RBFOX1: variants seen among roughly 807,000 people sequenced by gnomAD.
The protein encoded by RBFOX1 is RNA binding fox-1 homolog 1.
A neutral mutation model predicts 57.7 loss-of-function variants in RBFOX1; 8 were observed. The ratio of observed to expected loss-of-function variants is 0.14; its 90% CI spans 0.08 to 0.25. RBFOX1 has a LOEUF of 0.25. RBFOX1 is among the 10% of genes least tolerant of loss of function. The pLI, the probability that RBFOX1 is intolerant of heterozygous loss-of-function variation, is 1.00. For synonymous variants in RBFOX1, 326 were observed against 222.4 expected (o/e 1.47, Z -4.15); for missense variants, 611 against 548.5 (o/e 1.11, Z -1.14).
chr16:7,632,369 G>T (rs752053575), intron 11 of RBFOX1, among the ~76,000 whole-genome samples: 1 of 152,194 alleles, frequency 6.6e-6, no homozygotes, highest in Non-Finnish European at 1.5e-5. Flanking sequence ...GTGTAAATGT[G>T]TGTGCATGTA....
chr16:6,725,478 C>T (rs1022963502), intron 3 of RBFOX1, among the ~76,000 whole-genome samples: 4 of 152,136 alleles, frequency 2.6e-5, no homozygotes, highest in Admixed American at 2.6e-4. Flanking sequence ...CCCAGTGGGT[C>T]TCAGCCTTAG....
intron 4 of RBFOX1, among the ~76,000 whole-genome samples, chr16:7,096,389 G>A (rs1414764996): frequency 2.6e-5 from 4 of 152,046 alleles, no homozygotes; most frequent in African/African-American, 2.4e-5. Context: ...ATTTTTCTCC[G>A]TGTCCCCCAG....
intron 2 of RBFOX1, among the ~76,000 whole-genome samples, chr16:6,588,772 G>A (rs1326871102): frequency 1.3e-5 from 2 of 152,168 alleles, no homozygotes; most frequent in African/African-American, 4.8e-5. Flanking sequence ...GGACTTACTT[G>A]ATTATTTCCC....
chr16:6,184,269 A>C (rs74916226), intron 1 of RBFOX1, among the ~76,000 whole-genome samples: 14,896 of 152,232 alleles, frequency 0.098, 924 homozygotes, highest in East Asian at 0.24. Flanking sequence ...AAACCATATC[A>C]GAGGATGTTG....
At chr16:5,653,692 G>A (rs962676853) in intron 3 of RBFOX1, among the ~76,000 whole-genome samples, 1 of 152,158 alleles carries the variant, frequency 6.6e-6, no homozygotes, top group African/African-American at 2.4e-5. Flanking sequence ...GCAGGTGCTG[G>A]CTCTGAGAGA....
chr16:6,389,880 T>G (rs923171911), intron 2 of RBFOX1, among the ~76,000 whole-genome samples: 27 of 152,196 alleles, frequency 1.8e-4, no homozygotes, highest in Non-Finnish European at 1.5e-5. Context: ...TGTACCTCTT[T>G]GAGCTACTTA....
intron 1 of RBFOX1, among the ~76,000 whole-genome samples, chr16:5,305,584 A>T (rs925752470): frequency 1.3e-5 from 2 of 152,124 alleles, no homozygotes; most frequent in African/African-American, 4.8e-5. Flanking sequence ...TCTTCTCCAT[A>T]TTTCTTGCCC....
intron 3 of RBFOX1, among the ~76,000 whole-genome samples, chr16:6,933,270 T>C (rs1401342439): frequency 1.3e-5 from 2 of 152,244 alleles, no homozygotes; most frequent in African/African-American, 4.8e-5. Context: ...GTGAAATTGA[T>C]GAATCATAGA....
chr16:7,339,731 T>A (rs564457111), intron 4 of RBFOX1, among the ~76,000 whole-genome samples: 1 of 152,220 alleles, frequency 6.6e-6, no homozygotes, highest in Non-Finnish European at 1.5e-5. Context: ...CAAGCCACTG[T>A]GCCTGGCCAG....
intron 3 of RBFOX1, among the ~76,000 whole-genome samples, chr16:6,764,391 C>G (rs1316474946): frequency 3.3e-5 from 5 of 152,174 alleles, no homozygotes; most frequent in African/African-American, 1.2e-4. Flanking sequence ...CAAGCAGTGT[C>G]TGGTAGCCCA....
At chr16:7,347,080 G>A (rs569922128) in intron 4 of RBFOX1, among the ~76,000 whole-genome samples, 3 of 152,204 alleles carry the variant, frequency 2.0e-5, no homozygotes, top group African/African-American at 7.2e-5. Context: ...GACATATTTT[G>A]CAGGCAAGTG....
chr16:6,525,937 A>T (rs964090190), intron 2 of RBFOX1, among the ~76,000 whole-genome samples: 1 of 152,142 alleles, frequency 6.6e-6, no homozygotes, highest in Non-Finnish European at 1.5e-5. Flanking sequence ...CAGAGAAAAA[A>T]AGCAAGGGAA....
intron 4 of RBFOX1, among the ~76,000 whole-genome samples, chr16:7,341,859 C>G (rs1250645610): frequency 6.7e-6 from 1 of 150,304 alleles, no homozygotes; most frequent in Non-Finnish European, 1.5e-5. Context: ...AGCAGGAGCT[C>G]CTGCCCCCGG....
intron 1 of RBFOX1, among the ~76,000 whole-genome samples, chr16:5,417,611 G>A (rs8045331): frequency 0.013 from 1,986 of 152,302 alleles, 52 homozygotes; most frequent in African/African-American, 0.045. Flanking sequence ...GACATGGGCT[G>A]GTATCAATGG....
chr16:6,760,021 G>GT (rs1270502131), intron 3 of RBFOX1, among the ~76,000 whole-genome samples: 1 of 152,184 alleles, frequency 6.6e-6, no homozygotes, highest in East Asian at 1.9e-4. Context: ...TAGTGAAATG[G>GT]TGGAAGAATC....
chr16:6,768,968 C>G (rs1212536477), intron 3 of RBFOX1, among the ~76,000 whole-genome samples: 1 of 152,102 alleles, frequency 6.6e-6, no homozygotes, highest in Non-Finnish European at 1.5e-5. Context: ...ACCTCGTGAT[C>G]TGCCTGCCTC....
At chr16:7,226,162 G>C (rs776198116) in intron 4 of RBFOX1, among the ~76,000 whole-genome samples, 63 of 152,050 alleles carry the variant, frequency 4.1e-4, no homozygotes, top group Non-Finnish European at 6.8e-4. Flanking sequence ...AATCATGAAA[G>C]GTAACATCCC....
At chr16:6,699,359 A>G (rs1225884463) in intron 3 of RBFOX1, among the ~76,000 whole-genome samples, 3 of 151,764 alleles carry the variant, frequency 2.0e-5, no homozygotes, top group East Asian at 1.9e-4. Flanking sequence ...GTTCTCTGTA[A>G]CAGTCATAAT....
At chr16:6,870,364 T>C (rs1567645977) in intron 3 of RBFOX1, among the ~76,000 whole-genome samples, 1 of 152,186 alleles carries the variant, frequency 6.6e-6, no homozygotes, top group Non-Finnish European at 1.5e-5. Flanking sequence ...GATGCTCCTA[T>C]TGGATTTTCA....
Sources: gnomAD v4.1 joint callset for allele counts (sites outside exome capture counted in the v4.1 genomes callset) on GRCh38, gnomAD v4.1.1 for gene constraint, MANE v1.5 for transcripts, NCBI Gene and HGNC (gene_info 2026-07-23, HGNC 2026-07-21) for gene names.